Variants in DPYSL3 observed in about 807,000 individuals in gnomAD.
DPYSL3 encodes the protein dihydropyrimidinase-related protein 3.
In DPYSL3, 16 loss-of-function variants were observed where a neutral mutation model predicts 66.1. The ratio of observed to expected loss-of-function variants is 0.24; its 90% confidence interval spans 0.16 to 0.37. The LOEUF (loss-of-function observed/expected upper bound fraction) is 0.37, where lower values mean the gene tolerates loss of function less well. DPYSL3 is among the 10% of genes least tolerant of loss of function. The pLI, the probability that DPYSL3 is intolerant of heterozygous loss-of-function variation, is 1.00. For synonymous variants in DPYSL3, 338 were observed against 345.1 expected, an observed-to-expected ratio of 0.98 and a Z score of 0.23; for missense variants, 738 against 916.2, an observed-to-expected ratio of 0.81 and a Z score of 2.51.
At chr5:147,449,151 G>A (rs1406095854) in intron 1 of DPYSL3, among the ~76,000 whole-genome samples, 2 of 110,164 alleles carry the variant, frequency 1.8e-5, no homozygotes, top group African/African-American at 6.9e-5. Flanking sequence ...GATTGCATTT[G>A]TCCCTTCTTC....
intron 1 of DPYSL3, among the ~76,000 whole-genome samples, chr5:147,503,944 T>C (rs1753650205): frequency 6.6e-6 from 1 of 152,244 alleles, no homozygotes; most frequent in Non-Finnish European, 1.5e-5. Flanking sequence ...GTCTTTTGAA[T>C]GCAATGTGAT....
rs35272843 is a variant in DPYSL3, at chr5:147,452,438, T to TACACACACAC, written c.382-27485_382-27476dup. Among the ~76,000 whole-genome samples, 1,047 of 142,122 alleles carry TACACACACAC rather than the reference T, an allele frequency of 7.4e-3. 11 individuals carry two copies. Among genetic ancestry groups the TACACACACAC allele is most frequent in the African/African-American group, 0.022 (846 of 38,268 alleles). The allele number at this position is 142,122 out of a possible 152,430, so 93.2% of individuals were successfully genotyped here. ...ATGGAGTAGCCACCCATTCCCCCAC[T>TACACACACAC]ACACACACACACACACACACACACA... On this transcript the variant is annotated intron_variant, in intron 1 of 13. Transcript: ENST00000343218.
At chr5:147,463,202 G>GA (rs551186557) in intron 1 of DPYSL3, among the ~76,000 whole-genome samples, 1 of 152,036 alleles carries the variant, frequency 6.6e-6, no homozygotes, top group Non-Finnish European at 1.5e-5. Flanking sequence ...TGATAGAGAA[G>GA]AAAAAAATCT....
rs551957859 is a variant in DPYSL3 at position 147,443,439 on chromosome 5, A to G, written c.382-18476T>C. Among the ~76,000 whole-genome samples, 7 of 152,214 alleles carry G rather than the reference A, an allele frequency of 4.6e-5. No homozygotes were observed. In the South Asian group the frequency reaches 1.5e-3, roughly 32 times the overall value. ...AGTGAGAGTTGAACATTGAGAACAC[A>G]TGGACACAGAGAGGAGAACAACACA... On this transcript the variant is annotated intron_variant, in intron 1 of 13. Transcript: ENST00000343218.
rs376535312 is a variant in DPYSL3, at chr5:147,424,930, C to T, written c.415G>A (p.Val139Ile). The T allele has an allele frequency of 1.6e-5, 26 of 1,613,032 alleles. No homozygotes were observed. The highest frequency in any genetic ancestry group is 2.7e-5 in the African/African-American group (2 of 74,992). ...GCATAAAAGGACTGATCATCATTGA[C>T]GATTCTGCCTCCCTTGATAAGGAGA... Reference protein sequence around the residue: ...DRLLIKGGRIVNDDQSFYADI... With the variant: ...DRLLIKGGRIINDDQSFYADI... Residue 139 changes from valine (V) to isoleucine (I), a missense_variant, in exon 2 of 14, where the codon GTC becomes ATC. By Grantham distance (29) the Val-to-Ile change is conservative. Coordinates refer to ENST00000343218, the MANE Select transcript of DPYSL3 (RefSeq NM_001197294.2).
intron 1 of DPYSL3, among the ~76,000 whole-genome samples, chr5:147,430,726 T>A (rs1256253463): frequency 3.9e-5 from 6 of 152,078 alleles, no homozygotes. Context: ...CCATTTTAGT[T>A]TTCCTCCCCT....
In DPYSL3 at chr5:147,413,643, T is replaced by C; in HGVS notation, c.835A>G (p.Met279Val). 6.2e-7 allele frequency: 1 copy of C among 1,612,738 alleles called. No individual in the cohort carries two copies. The part of the protein sequence containing the change: ...LIKDKGVNSF[M>V]VYMAYKDLYQ... ...AAATCCTTATAAGCCATATAAACCATGAAGGAGTTAACCCCTGCAAAAGAG... is the reference window on the plus strand; with the variant it reads ...AAATCCTTATAAGCCATATAAACCACGAAGGAGTTAACCCCTGCAAAAGAG... The change falls in exon 5 of 14, where the codon ATG (methionine) becomes GTG (valine). Residue 279 changes from methionine (M) to valine (V), a missense_variant. Transcript: ENST00000343218.
chr5:147,410,229 T>C (rs17550902), intron 6 of DPYSL3, among the ~76,000 whole-genome samples: 15,019 of 152,230 alleles, frequency 0.099, 1,007 homozygotes, highest in Admixed American at 0.14. Flanking sequence ...ACCAGGATAA[T>C]GCACAGGACA....
At chr5:147,401,724 G>C in intron 8 of DPYSL3, 28 bp from the exon 9 acceptor site, 1 of 1,613,482 alleles carries the variant, frequency 6.2e-7, no homozygotes, top group Admixed American at 1.7e-5. Flanking sequence ...CAGACAAGGG[G>C]TTAGCATAAA....
At chr5:147,472,210 G>A (rs1343547731) in intron 1 of DPYSL3, among the ~76,000 whole-genome samples, 1 of 152,170 alleles carries the variant, frequency 6.6e-6, no homozygotes, top group Non-Finnish European at 1.5e-5. Flanking sequence ...TTGGGGCATA[G>A]GTTATGCCCT....
At chr5:147,424,355 A>C (rs1465954931) in intron 2 of DPYSL3, among the ~76,000 whole-genome samples, 2 of 152,158 alleles carry the variant, frequency 1.3e-5, no homozygotes, top group Non-Finnish European at 2.9e-5. Context: ...CTACACATAA[A>C]ACTTACCTGG....
chr5:147,471,436 C>G (rs575730075), intron 1 of DPYSL3, among the ~76,000 whole-genome samples: 2 of 152,156 alleles, frequency 1.3e-5, no homozygotes, highest in African/African-American at 4.8e-5. Context: ...AGTTTCCTCT[C>G]CACATTTGGC....
chr5:147,423,534 A>G (rs891561917), intron 2 of DPYSL3, among the ~76,000 whole-genome samples: 9 of 152,182 alleles, frequency 5.9e-5, no homozygotes, highest in African/African-American at 1.9e-4. Context: ...TACACACTCA[A>G]TAAAAAGTAG....
chr5:147,440,157 G>C (rs1015732621), intron 1 of DPYSL3, among the ~76,000 whole-genome samples: 1 of 152,060 alleles, frequency 6.6e-6, no homozygotes, highest in African/African-American at 2.4e-5. Context: ...AAAAAAATTA[G>C]CCAGGCATGG....
intron 6 of DPYSL3, 122 bp downstream of exon 6, chr5:147,412,486 T>C (rs1023688327): frequency 2.1e-6 from 2 of 950,814 alleles, no homozygotes; most frequent in Non-Finnish European, 3.2e-6. Context: ...GCAGGTTCTG[T>C]CTTTAGCAAG....
intron 1 of DPYSL3, among the ~76,000 whole-genome samples, chr5:147,497,824 T>G (rs1033547422): frequency 6.6e-6 from 1 of 152,036 alleles, no homozygotes; most frequent in Non-Finnish European, 1.5e-5. Flanking sequence ...ACTCAAAGCT[T>G]TCCTACTAAG....
chr5:147,407,995 G>C (rs1751743910), intron 7 of DPYSL3, among the ~76,000 whole-genome samples: 1 of 152,130 alleles, frequency 6.6e-6, no homozygotes, highest in South Asian at 2.1e-4. Context: ...AAAGAGACAG[G>C]ATATGGGAAT....
At chr5:147,401,877 A>C (rs3816013) in intron 8 of DPYSL3, 181 bp from the exon 9 acceptor site, 223,034 of 571,634 alleles carry the variant, frequency 0.39, 45,261 homozygotes, top group South Asian at 0.49. Context: ...AAATGTGACC[A>C]AGTTTGTATT....
chr5:147,508,113 AGG>A (rs560191771), intron 1 of DPYSL3, among the ~76,000 whole-genome samples: 1 of 152,232 alleles, frequency 6.6e-6, no homozygotes, highest in East Asian at 1.9e-4. Flanking sequence ...GCAAGGGCTT[AGG>A]GGAATCACGC....
Sources: allele counts gnomAD v4.1 joint callset (sites outside exome capture counted in the v4.1 genomes callset), GRCh38; gene constraint gnomAD v4.1.1; transcripts MANE v1.5; gene names NCBI Gene and HGNC (gene_info 2026-07-23, HGNC 2026-07-21).